Variants in WNK4 observed in about 807,000 individuals in gnomAD.
WNK4 encodes WNK lysine deficient protein kinase 4, also known as serine/threonine-protein kinase WNK4.
In WNK4, 94 loss-of-function variants were observed where a neutral mutation model predicts 116.2. That is an observed-to-expected ratio of 0.81 (90% confidence interval 0.68 to 0.96). WNK4 has a LOEUF of 0.96. Ranked by LOEUF, WNK4 falls within the 40% of genes least tolerant of loss-of-function variation. The pLI, the probability that WNK4 is intolerant of heterozygous loss-of-function variation, is 0.00. For missense variants in WNK4, 1,542 were observed against 1,650.6 expected, an observed-to-expected ratio of 0.93 and a Z score of 1.14; for synonymous variants, 655 against 672.7, an observed-to-expected ratio of 0.97 and a Z score of 0.41.
Position 42,783,907 on chromosome 17 carries a change from C to A in WNK4, c.792-30C>A, listed in dbSNP as rs759830961. On this transcript the variant is annotated intron_variant, in intron 2 of 18. Transcript: ENST00000246914. ...CCTTCCCGGAGGACGTGTCCCCCCA[C>A]CAGGACTCTGGCTATGCGCCCTCCC... is the stretch of plus-strand genomic sequence containing the variant. 3.1e-5 allele frequency: 50 copies of A among 1,599,148 alleles called. No individual in the cohort carries two copies. In the Middle Eastern group the frequency reaches 4.1e-3, roughly 132 times the overall value.
intron 6 of WNK4, among the ~76,000 whole-genome samples, chr17:42,786,185 C>G (rs1487722210): frequency 1.3e-5 from 2 of 152,148 alleles, no homozygotes; most frequent in Non-Finnish European, 2.9e-5. Flanking sequence ...GTCCAGGGCC[C>G]CAAGTAAGTA....
At position 42,794,776 on chromosome 17, in the gene WNK4, G is replaced by C; in HGVS notation, c.2355G>C (p.Glu785Asp). Residue 785 changes from glutamate (E) to aspartate (D), a missense_variant, in exon 14 of 19, where the codon GAG (glutamate) becomes GAC (aspartate). Physicochemically the swap from Glu to Asp is conservative, Grantham distance 45 (BLOSUM62 2). Transcript: ENST00000246914. ...PVPLPDPSNE[E>D]LQSSTSLEHR... ...TCAACATACCCTCCTTCCCAGAAGA[G>C]CTCCAGAGCAGCACCTCCCTGGAGC... The C allele has an allele frequency of 6.2e-7, 1 of 1,613,938 alleles. No individual in the cohort carries two copies. Among genetic ancestry groups the C allele is most frequent in the South Asian group, 1.1e-5 (1 of 91,078 alleles).
Position 42,784,133 on chromosome 17 carries a change from G to T in WNK4, c.988G>T (p.Ala330Ser). 6.2e-7 allele frequency: 1 copy of T among 1,607,418 alleles called. No individual in the cohort carries two copies. The part of the protein sequence containing the change: ...GDLGLATLKR[A>S]SFAKSVIGTP... ...CCTGGGCCTGGCCACGCTCAAGCGCGCCTCCTTTGCCAAGAGTGTCATCGG... is the reference window on the plus strand; with the variant it reads ...CCTGGGCCTGGCCACGCTCAAGCGCTCCTCCTTTGCCAAGAGTGTCATCGG... Residue 330 changes from alanine (A) to serine (S), a missense_variant, in exon 3 of 19, where the codon GCC becomes TCC. This residue lies in a region of WNK4 where 808 missense variants were observed against 873.6 expected (regional missense o/e 0.92). Coordinates refer to ENST00000246914, the MANE Select transcript of WNK4 (RefSeq NM_032387.5). The surrounding 1 kb of genome is among the most constrained non-coding windows in gnomAD (Gnocchi z 4.4).
chr17:42,790,004 C>CA (rs202087259), intron 11 of WNK4, among the ~76,000 whole-genome samples: 4,442 of 146,698 alleles, frequency 0.03, 203 homozygotes, highest in African/African-American at 0.1. Context: ...AACTTTGTCT[C>CA]AAAAAAAAAC....
chr17:42,781,913 TG>T (rs61754335), intron 1 of WNK4, among the ~76,000 whole-genome samples: 1 of 152,168 alleles, frequency 6.6e-6, no homozygotes, highest in African/African-American at 2.4e-5. Flanking sequence ...AGCTCTCGAG[TG>T]AGTCCAGTTC....
At chr17:42,785,524 G>C (rs1460478325) in intron 6 of WNK4, 42 bp downstream of exon 6, 28 of 1,550,112 alleles carry the variant, frequency 1.8e-5, no homozygotes, top group African/African-American at 2.7e-5. Flanking sequence ...ACGTGTAAAG[G>C]ACATTGACTC....
At position 42,788,381 on chromosome 17, in the gene WNK4, C is replaced by G; in HGVS notation, c.2014C>G (p.Pro672Ala). ...RPPGRNLRRR[P>A]RSRLRVTSVS... ...CCCAGGGAGGAATCTCCGGCGCAGA[C>G]CCCGATCCCGGCTGCGGGTCACTAG... Residue 672 changes from proline to alanine, a missense_variant, in exon 10 of 19, where the codon CCC (proline) becomes GCC (alanine). Physicochemically the swap from Pro to Ala is conservative, Grantham distance 27. Transcript: ENST00000246914. The G allele has an allele frequency of 1.2e-6, 2 of 1,613,082 alleles. No individual in the cohort carries two copies. Among genetic ancestry groups the G allele is most frequent in the Non-Finnish European group, 1.7e-6 (2 of 1,180,016 alleles).
rs1348513925 is a variant in WNK4 at position 42,780,809 on chromosome 17, G to A, written c.111G>A (p.Gly37=). 3 of 1,602,272 alleles carry A rather than the reference G, an allele frequency of 1.9e-6. No individual in the cohort carries two copies. The highest frequency in any genetic ancestry group is 1.7e-4 in the Middle Eastern group (1 of 5,812). ...GCACCGCGGGGCAGCCCCGCCTCGG[G>A]CCCCCTCCTCGCCGAGCGCGCCGCT... ...PLGTAGQPRL[G]PPPRRARRFS... The change falls in exon 1 of 19, where the codon GGG becomes GGA. Residue 37 remains glycine, a synonymous_variant. Transcript: ENST00000246914.
intron 15 of WNK4, 22 bp from the exon 16 acceptor site, chr17:42,795,603 C>A: frequency 6.2e-7 from 1 of 1,614,188 alleles, no homozygotes; most frequent in South Asian, 1.1e-5. Flanking sequence ...TTCCTCATGC[C>A]TTCTTCCTCG....
At chr17:42,794,691 G>A in intron 13 of WNK4, 23 bp downstream of exon 13, 1 of 1,613,686 alleles carries the variant, frequency 6.2e-7, no homozygotes, top group Non-Finnish European at 8.5e-7. Flanking sequence ...TTGTGTCCTT[G>A]CTCATCCCAA....
Position 42,796,764 on chromosome 17 carries a change from T to G in WNK4, c.*76T>G. 6.2e-7 allele frequency: 1 copy of G among 1,614,138 alleles called. No individual in the cohort carries two copies. The highest frequency in any genetic ancestry group is 1.1e-5 in the South Asian group (1 of 91,084). ...CTTGTGTTCTCAGAATCTGATGCTT[T>G]CTGATCAACAAAACTGAGCAAGGAA... On this transcript the variant is annotated 3_prime_UTR_variant, in exon 19 of 19. Coordinates refer to ENST00000246914, the MANE Select transcript of WNK4 (RefSeq NM_032387.5).
At chr17:42,794,018 A>C in intron 12 of WNK4, 1 of 374,254 alleles carries the variant, frequency 2.7e-6, no homozygotes, top group Admixed American at 4.1e-5. Flanking sequence ...ACACCCGGCT[A>C]ATTTTTTTTG....
Position 42,796,857 on chromosome 17 carries a change from C to T in WNK4, c.*169C>T. On this transcript the variant is annotated 3_prime_UTR_variant, in exon 19 of 19. Transcript: ENST00000246914. Reference sequence around the variant, plus strand: ...AGTGCAGCTCCATTATAGTGAAGAGCCAAACATATGTGAACTGTTTGCTGT... The same window carrying T: ...AGTGCAGCTCCATTATAGTGAAGAGTCAAACATATGTGAACTGTTTGCTGT... The T allele has an allele frequency of 3.0e-6, 4 of 1,352,510 alleles. No individual in the cohort carries two copies. Among genetic ancestry groups the T allele is most frequent in the Admixed American group, 3.9e-5 (2 of 51,598 alleles). 83.8% of individuals were successfully genotyped at this position (1,352,510 alleles called of 1,614,324 possible). A position where few individuals can be genotyped will look rare whatever the true frequency, so the allele number is the denominator to read the frequency against.
At chr17:42,781,400 C>A in intron 1 of WNK4, 84 bp downstream of exon 1, 1 of 1,568,598 alleles carries the variant, frequency 6.4e-7, no homozygotes, top group Non-Finnish European at 8.7e-7. Context: ...GGGGAGACAG[C>A]ATCAAGGGAA....
chr17:42,795,568 C>G (rs148309010), intron 15 of WNK4, 47 bp downstream of exon 15: 1 of 1,614,174 alleles, frequency 6.2e-7, no homozygotes, highest in Non-Finnish European at 8.5e-7. Flanking sequence ...TCCCTACTCA[C>G]TGTCTGTCCT....
At chr17:42,785,217 T>C (rs551026644) in intron 5 of WNK4, 32 bp downstream of exon 5, 1 of 1,610,858 alleles carries the variant, frequency 6.2e-7, no homozygotes, top group Non-Finnish European at 8.5e-7. Context: ...GTGGGTAGAA[T>C]AGGGCCGCGG....
chr17:42,785,232 C>T, intron 5 of WNK4, 34 bp from the exon 6 acceptor site: 2 of 1,606,170 alleles, frequency 1.2e-6, no homozygotes, highest in Non-Finnish European at 8.5e-7. Flanking sequence ...CCGCGGGCCG[C>T]GGCGGGCTCG....
rs1287743745 is a variant in WNK4 at position 42,796,700 on chromosome 17, A to C, written c.*12A>C. ...TTTCCCTCCAGTGAATTCAGAACAG[A>C]AGCCATGTATCTCCCCCACACCAGG... On this transcript the variant is annotated 3_prime_UTR_variant, in exon 19 of 19. Coordinates refer to ENST00000246914, the MANE Select transcript of WNK4 (RefSeq NM_032387.5). The C allele has an allele frequency of 6.2e-7, 1 of 1,614,166 alleles. No individual in the cohort carries two copies. Among genetic ancestry groups the C allele is most frequent in the East Asian group, 2.2e-5 (1 of 44,874 alleles).
At position 42,794,842 on chromosome 17, in the gene WNK4, T is replaced by G. The variant is rs1437576437; in HGVS notation, c.2421T>G (p.Pro807=). 26 of 1,613,800 alleles carry G rather than the reference T, an allele frequency of 1.6e-5. No individual in the cohort carries two copies. Among genetic ancestry groups the G allele is most frequent in the Non-Finnish European group, 1.9e-5 (22 of 1,179,958 alleles). The change falls in exon 14 of 19, where the codon CCT becomes CCG. Residue 807 remains proline, a synonymous_variant. Transcript: ENST00000246914. ...WTAFSTSSSS[P]GTPLSPGNPF... ...CCTTCTCCACCTCCTCATCTTCTCC[T>G]GGAACTCCTTTGTCTCCTGGAAACC...
Sources: allele counts gnomAD v4.1 joint callset (sites outside exome capture counted in the v4.1 genomes callset), GRCh38; gene constraint gnomAD v4.1.1; regional missense constraint gnomAD v4.1.1; non-coding constraint Gnocchi (gnomAD v3.1); transcripts MANE v1.5; gene names NCBI Gene and HGNC (gene_info 2026-07-23, HGNC 2026-07-21).